The following NIN variants were observed in gnomAD, a reference collection of about 807,000 sequenced individuals.
NIN encodes ninein.
NIN carries 137 observed loss-of-function variants against 257.6 expected under a neutral mutation model. The observed-to-expected ratio is 0.53, with a 90% confidence interval of 0.46 to 0.61. The LOEUF (loss-of-function observed/expected upper bound fraction) is 0.61, where lower values mean the gene tolerates loss of function less well. NIN is among the 20% of genes least tolerant of loss of function. NIN has a pLI of 0.00. For synonymous variants in NIN, 918 were observed against 919.8 expected, an observed-to-expected ratio of 1.00 and a Z score of 0.04; for missense variants, 2,439 against 2,501.2, an observed-to-expected ratio of 0.98 and a Z score of 0.53.
At chr14:50,824,279 C>T (rs2045363277) in intron 2 of NIN, among the ~76,000 whole-genome samples, 2 of 152,142 alleles carry the variant, frequency 1.3e-5, no homozygotes, top group Non-Finnish European at 2.9e-5. Flanking sequence ...TCCACGGTGT[C>T]GAATTTGATA....
At chr14:50,821,580 T>A (rs555786553) in intron 3 of NIN, among the ~76,000 whole-genome samples, 30 of 152,324 alleles carry the variant, frequency 2.0e-4, no homozygotes, top group African/African-American at 6.7e-4. Flanking sequence ...GTGATGAATG[T>A]GGAGTCAATA....
At chr14:50,808,612 T>C (rs1217914233) in intron 3 of NIN, among the ~76,000 whole-genome samples, 4 of 152,166 alleles carry the variant, frequency 2.6e-5, no homozygotes, top group Non-Finnish European at 5.9e-5. Flanking sequence ...TCAATAAATA[T>C]TTATTGAGCA....
chr14:50,799,745 G>A (rs958011206), intron 4 of NIN, among the ~76,000 whole-genome samples: 37 of 152,232 alleles, frequency 2.4e-4, no homozygotes, highest in African/African-American at 8.9e-4. Context: ...ACTTTGCGAG[G>A]CTGAGCCAGG....
intron 1 of NIN, 185 bp from the exon 2 acceptor site, chr14:50,830,702 C>T (rs1475660017): frequency 6.5e-6 from 1 of 154,080 alleles, no homozygotes. Flanking sequence ...CGGGCTGCAG[C>T]GCGCATCCTC....
intron 5 of NIN, among the ~76,000 whole-genome samples, chr14:50,780,435 C>T (rs1315813720): frequency 6.6e-6 from 1 of 152,162 alleles, no homozygotes; most frequent in African/African-American, 2.4e-5. Context: ...GTCTCTAGAA[C>T]TTGGATTCCT....
intron 30 of NIN, 154 bp downstream of exon 30, chr14:50,725,799 G>C (rs1411025726): frequency 7.2e-7 from 1 of 1,388,360 alleles, no homozygotes; most frequent in Non-Finnish European, 9.9e-7. Flanking sequence ...GTGATATGAG[G>C]GATAGCAAAT....
intron 18 of NIN, among the ~76,000 whole-genome samples, chr14:50,755,576 G>A (rs2041982623): frequency 6.8e-6 from 1 of 147,042 alleles, no homozygotes. Flanking sequence ...TGCTTTTCAA[G>A]CATATTTATT....
At chr14:50,824,687 A>T (rs3759528) in intron 2 of NIN, among the ~76,000 whole-genome samples, 60,659 of 152,104 alleles carry the variant, frequency 0.4, 13,477 homozygotes, top group Non-Finnish European at 0.51. Flanking sequence ...CTGTTCTTCA[A>T]GCCAGGGATT....
At chr14:50,772,849 C>G in intron 8 of NIN, 100 bp downstream of exon 8, 3 of 960,882 alleles carry the variant, frequency 3.1e-6, no homozygotes, top group Non-Finnish European at 4.7e-6. Context: ...CCCTCTCTTT[C>G]CTTAGTATTT....
rs1216567931 is a variant in NIN at position 50,760,072 on chromosome 14, C to T, written c.2184G>A (p.Lys728=). 26 of 1,614,034 alleles carry T rather than the reference C, an allele frequency of 1.6e-5. No homozygotes were observed. The highest frequency in any genetic ancestry group is 2.2e-5 in the East Asian group (1 of 44,898). Reference sequence around the variant, plus strand: ...TTGCTTGAGCCTGTGTCAGTCTAGCCTTGAGCTCCATCTCATGTTGCAGCC... The same window carrying T: ...TTGCTTGAGCCTGTGTCAGTCTAGCTTTGAGCTCCATCTCATGTTGCAGCC... The part of the protein sequence containing the change: ...KLRLQHEMEL[K]ARLTQAQASF... Residue 728 remains lysine (K), a synonymous_variant, in exon 17 of 31, where the codon AAG becomes AAA. Transcript: ENST00000530997.
intron 3 of NIN, among the ~76,000 whole-genome samples, chr14:50,808,697 G>A (rs139088592): frequency 6.0e-4 from 92 of 152,284 alleles, no homozygotes; most frequent in African/African-American, 2.1e-3. Flanking sequence ...CCTGTGCCAC[G>A]ATGCTCATAG....
At chr14:50,761,695 T>A (rs560464374) in intron 16 of NIN, 95 bp downstream of exon 16, 2 of 1,403,318 alleles carry the variant, frequency 1.4e-6, no homozygotes, top group South Asian at 2.5e-5. Flanking sequence ...TAGAATGTGC[T>A]GCTCTATGAG....
At chr14:50,823,944 C>T (rs566607292) in intron 2 of NIN, among the ~76,000 whole-genome samples, 38 of 152,302 alleles carry the variant, frequency 2.5e-4, no homozygotes, top group African/African-American at 8.2e-4. Flanking sequence ...GCCAACACTT[C>T]GCTAACAAGA....
rs148776054 is a variant in NIN, at chr14:50,827,227, T to C, written c.-22+3237A>G. Among the ~76,000 whole-genome samples, 456 of 152,278 alleles carry C rather than the reference T, an allele frequency of 3.0e-3. 5 individuals are homozygous for C. Among genetic ancestry groups the C allele is most frequent in the African/African-American group, 0.01 (419 of 41,554 alleles). ...AAATTCAAGTTTAGTAAAAGCTCAA[T>C]AGAAAAAGCAGTTGCAGCCATTTAC... On this transcript the variant is annotated intron_variant, in intron 2 of 30. Transcript: ENST00000530997.
At position 50,743,494 on chromosome 14, in the gene NIN, C is replaced by T. The variant is rs778613912; in HGVS notation, c.5223G>A (p.Ala1741=). The change falls in exon 24 of 31, where the codon GCG becomes GCA. Residue 1741 remains alanine, a synonymous_variant. Transcript: ENST00000530997. Reference sequence around the variant, plus strand: ...AGGATTTCTGTTCCTGCTTCATCGTCGCAATTCTATGCTCTAAAAGACTTG... The same window carrying T: ...AGGATTTCTGTTCCTGCTTCATCGTTGCAATTCTATGCTCTAAAAGACTTG... ...AKSSLLEHRI[A]TMKQEQKSWE... 1.7e-5 allele frequency: 27 copies of T among 1,613,634 alleles called. No homozygotes were observed. Among genetic ancestry groups the T allele is most frequent in the South Asian group, 1.1e-4 (10 of 91,046 alleles).
intron 4 of NIN, among the ~76,000 whole-genome samples, chr14:50,794,820 G>T (rs1031750448): frequency 6.7e-6 from 1 of 149,902 alleles, no homozygotes; most frequent in African/African-American, 2.4e-5. Context: ...AATCCATTGT[G>T]ATCTAATCCC....
chr14:50,770,469 C>T lies in NIN; in HGVS notation c.1353G>A (p.Gln451=). 6.2e-7 allele frequency: 1 copy of T among 1,614,250 alleles called. No homozygotes were observed. The highest frequency in any genetic ancestry group is 8.5e-7 in the Non-Finnish European group (1 of 1,180,034). The stretch of plus-strand genomic sequence containing the variant: ...CAATTTCCTGTTCAAGTTCTAAACG[C>T]TGCTTGCCTGCCTGCTGCAGGATCT... ...REQILQQAGK[Q]RLELEQEIEK... is the part of the protein sequence containing the mutation. Residue 451 remains glutamine (Q), a synonymous_variant, in exon 12 of 31, where the codon CAG becomes CAA. Coordinates refer to ENST00000530997, the MANE Select transcript of NIN (RefSeq NM_020921.4).
chr14:50,827,713 T>C (rs566062470), intron 2 of NIN, among the ~76,000 whole-genome samples: 2 of 138,132 alleles, frequency 1.4e-5, no homozygotes, highest in African/African-American at 5.4e-5. Context: ...GCCGAGATCA[T>C]GCCATTGCAC....
At chr14:50,764,076 A>G (rs2042380751) in intron 14 of NIN, 112 bp from the exon 15 acceptor site, 2 of 886,824 alleles carry the variant, frequency 2.3e-6, no homozygotes, top group Non-Finnish European at 3.6e-6. Flanking sequence ...TTGTGCTTCA[A>G]AGGACACTAT....
Sources: allele counts gnomAD v4.1 joint callset (sites outside exome capture counted in the v4.1 genomes callset), GRCh38; gene constraint gnomAD v4.1.1; transcripts MANE v1.5; gene names NCBI Gene and HGNC (gene_info 2026-07-23, HGNC 2026-07-21).